The following MYO16 variants were observed in gnomAD, a reference collection of about 807,000 sequenced individuals.
MYO16 encodes the protein myosin XVI, also known as unconventional myosin-XVI.
Under a neutral mutation model 205.3 loss-of-function variants are expected in MYO16, and 94 were observed. That is an observed-to-expected ratio of 0.46 (90% CI 0.39 to 0.54). The LOEUF (loss-of-function observed/expected upper bound fraction) is 0.54, where lower values mean the gene tolerates loss of function less well. Ranked by LOEUF, MYO16 falls within the 20% of genes least tolerant of loss-of-function variation. The pLI, the probability that MYO16 is intolerant of heterozygous loss-of-function variation, is 0.00. For missense variants in MYO16, 2,315 were observed against 2,387.5 expected (o/e 0.97, Z 0.63); for synonymous variants, 988 against 954.0 (o/e 1.04, Z -0.66).
chr13:108,696,849 T>C (rs1883110466), intron 2 of MYO16, among the ~76,000 whole-genome samples: 1 of 152,142 alleles, frequency 6.6e-6, no homozygotes, highest in Admixed American at 6.6e-5. Context: ...CCTTATTGTT[T>C]CTTTCTTCTA....
intron 1 of MYO16, among the ~76,000 whole-genome samples, chr13:108,622,063 A>C (rs986616577): frequency 3.3e-5 from 5 of 152,132 alleles, no homozygotes; most frequent in African/African-American, 1.2e-4. Context: ...TTGGGAGGAT[A>C]CTGTATAAAG....
At chr13:108,972,249 CTATATATATATA>C (rs1158879237) in intron 20 of MYO16, among the ~76,000 whole-genome samples, 2 of 2,850 alleles carry the variant, frequency 7.0e-4, no homozygotes, top group Non-Finnish European at 1.2e-3. Context: ...CTCTCTCTCT[CTATATATATATA>C]TATATATATA....
chr13:108,984,965 C>G (rs1248403149), intron 20 of MYO16, among the ~76,000 whole-genome samples: 1 of 152,160 alleles, frequency 6.6e-6, no homozygotes, highest in Non-Finnish European at 1.5e-5. Flanking sequence ...GGAAAGAAGT[C>G]TCTTATTGAT....
chr13:108,597,057 C>G (rs547212498), intron 1 of MYO16, among the ~76,000 whole-genome samples: 3 of 152,234 alleles, frequency 2.0e-5, no homozygotes, highest in African/African-American at 7.2e-5. Context: ...TACCCTGAAA[C>G]TATATACATC....
chr13:108,787,472 A>G (rs1266809537), intron 5 of MYO16, among the ~76,000 whole-genome samples: 1 of 152,240 alleles, frequency 6.6e-6, no homozygotes, highest in Non-Finnish European at 1.5e-5. Context: ...AGAAAATAAA[A>G]CGACATTTAT....
At chr13:108,798,962 C>G (rs1387409154) in intron 6 of MYO16, among the ~76,000 whole-genome samples, 3 of 149,846 alleles carry the variant, frequency 2.0e-5, no homozygotes, top group African/African-American at 7.4e-5. Flanking sequence ...GCCTCGGCCT[C>G]CCAAAGTGCT....
At chr13:108,800,509 G>C (rs1886939399) in intron 6 of MYO16, among the ~76,000 whole-genome samples, 1 of 152,068 alleles carries the variant, frequency 6.6e-6, no homozygotes, top group African/African-American at 2.4e-5. Flanking sequence ...AGCAGTTTTA[G>C]GGCAACTATT....
intron 1 of MYO16, among the ~76,000 whole-genome samples, chr13:108,612,108 AATCGCTTGTT>A (rs1176839589): frequency 1.3e-5 from 2 of 151,714 alleles, no homozygotes; most frequent in East Asian, 3.9e-4. Context: ...TAGAGACTTG[AATCGCTTGTT>A]GGCTTTACTT....
At chr13:108,955,979 G>C (rs909043278) in intron 16 of MYO16, among the ~76,000 whole-genome samples, 1 of 152,064 alleles carries the variant, frequency 6.6e-6, no homozygotes, top group Non-Finnish European at 1.5e-5. Flanking sequence ...GTCTCATTTT[G>C]AGTGAGCTCA....
intron 16 of MYO16, among the ~76,000 whole-genome samples, chr13:108,911,746 A>G (rs1881275345): frequency 6.6e-6 from 1 of 152,182 alleles, no homozygotes; most frequent in Non-Finnish European, 1.5e-5. Flanking sequence ...AGAGAGCTAA[A>G]TTCCTGGTAT....
At chr13:109,195,771 G>A (rs928191762) in intron 34 of MYO16, among the ~76,000 whole-genome samples, 1 of 152,034 alleles carries the variant, frequency 6.6e-6, no homozygotes, top group African/African-American at 2.4e-5. Flanking sequence ...ATTTAACAAA[G>A]ACTATTTTTA....
intron 1 of MYO16, among the ~76,000 whole-genome samples, chr13:108,650,170 A>G (rs1470100827): frequency 1.1e-5 from 1 of 88,434 alleles, no homozygotes; most frequent in African/African-American, 6.3e-5. Context: ...GACACATGAA[A>G]ATCATGCATT....
At chr13:109,128,860 C>T (rs562860898) in intron 31 of MYO16, among the ~76,000 whole-genome samples, 4 of 151,308 alleles carry the variant, frequency 2.6e-5, no homozygotes, top group African/African-American at 7.3e-5. Flanking sequence ...CAACCTCCGC[C>T]TCTGGGGTTC....
intron 23 of MYO16, among the ~76,000 whole-genome samples, chr13:109,021,718 G>A (rs529391769): frequency 8.5e-5 from 13 of 152,210 alleles, no homozygotes; most frequent in East Asian, 5.8e-4. Context: ...TAGAAAGGGC[G>A]GTAGGTGACA....
At chr13:109,047,060 A>C (rs1276911493) in intron 24 of MYO16, 69 bp downstream of exon 24, 1 of 1,174,334 alleles carries the variant, frequency 8.5e-7, no homozygotes, top group Admixed American at 2.0e-5. Flanking sequence ...TTTATCTCTG[A>C]ATATTTTCCT....
At chr13:109,053,006 C>T (rs1887294339) in intron 25 of MYO16, among the ~76,000 whole-genome samples, 1 of 152,062 alleles carries the variant, frequency 6.6e-6, no homozygotes, top group South Asian at 2.1e-4. Context: ...TATACACAAA[C>T]TCAAGATTCT....
At chr13:109,021,241 T>C (rs2139516608) in intron 23 of MYO16, among the ~76,000 whole-genome samples, 1 of 152,244 alleles carries the variant, frequency 6.6e-6, no homozygotes, top group South Asian at 2.1e-4. Flanking sequence ...CTTTCAGGAA[T>C]GACATTAAAA....
At chr13:108,646,690 G>A (rs1171859242) in intron 1 of MYO16, among the ~76,000 whole-genome samples, 2 of 152,050 alleles carry the variant, frequency 1.3e-5, no homozygotes, top group African/African-American at 4.8e-5. Context: ...GGTATATTTA[G>A]GCCATTGTGC....
At chr13:108,892,253 A>T (rs1466654387) in intron 14 of MYO16, among the ~76,000 whole-genome samples, 1 of 152,128 alleles carries the variant, frequency 6.6e-6, no homozygotes, top group African/African-American at 2.4e-5. Context: ...AGCTCAAAAT[A>T]ATTTTTTTTT....
Sources: allele counts gnomAD v4.1 joint callset (sites outside exome capture counted in the v4.1 genomes callset), GRCh38; gene constraint gnomAD v4.1.1; transcripts MANE v1.5; gene names NCBI Gene and HGNC (gene_info 2026-07-23, HGNC 2026-07-21).